Variants in DPYSL4 observed in about 807,000 individuals in gnomAD.
DPYSL4 encodes the protein dihydropyrimidinase-related protein 4.
In DPYSL4, 43 loss-of-function variants were observed where a neutral mutation model predicts 63.4. The ratio of observed to expected loss-of-function variants is 0.68; its 90% CI spans 0.53 to 0.88. The LOEUF (loss-of-function observed/expected upper bound fraction) is 0.88. DPYSL4 is among the 40% of genes least tolerant of loss of function. The pLI is 0.00. For missense variants in DPYSL4, 733 were observed against 819.5 expected (o/e 0.89, Z 1.29); for synonymous variants, 353 against 331.7 (o/e 1.06, Z -0.70).
Position 132,200,883 on chromosome 10 carries a change from C to A in DPYSL4, c.1010C>A (p.Thr337Asn). The stretch of plus-strand genomic sequence containing the variant: ...ACAGGCAGCGCCCACTGCACCTTCA[C>A]CACTGCCCAGAAGGCTGTGGGCAAG... The part of the protein sequence containing the change: ...QVTGSAHCTF[T>N]TAQKAVGKDN... Residue 337 changes from threonine (T) to asparagine (N), a missense_variant, in exon 10 of 14, where the codon ACC becomes AAC. Coordinates refer to ENST00000338492, the MANE Select transcript of DPYSL4 (RefSeq NM_006426.3). 6.2e-7 allele frequency: 1 copy of A among 1,613,162 alleles called. No individual in the cohort carries two copies. Among genetic ancestry groups the A allele is most frequent in the Non-Finnish European group, 8.5e-7 (1 of 1,179,964 alleles).
At chr10:132,203,520 G>A (rs2062049771) in intron 12 of DPYSL4, 3 of 545,620 alleles carry the variant, frequency 5.5e-6, no homozygotes, top group Admixed American at 3.1e-5. Flanking sequence ...CACACATGCA[G>A]ATGGGACCGC....
chr10:132,194,677 C>T (rs1459800109), intron 3 of DPYSL4, among the ~76,000 whole-genome samples, 168 bp from the exon 4 acceptor site: 3 of 152,280 alleles, frequency 2.0e-5, no homozygotes, highest in South Asian at 2.1e-4. Flanking sequence ...AGCAATAGAA[C>T]GGGTTCGTGG....
At chr10:132,191,267 G>A (rs1218262261) in intron 2 of DPYSL4, among the ~76,000 whole-genome samples, 4 of 118,388 alleles carry the variant, frequency 3.4e-5, no homozygotes, top group South Asian at 3.1e-4. Flanking sequence ...GTGTGTACAC[G>A]CTGGCCACGT....
chr10:132,190,543 G>A (rs748781826), intron 1 of DPYSL4, among the ~76,000 whole-genome samples: 3 of 152,270 alleles, frequency 2.0e-5, no homozygotes, highest in Non-Finnish European at 2.9e-5. Context: ...TGGGGCGTGC[G>A]TGGCACTTCC....
In DPYSL4 at chr10:132,190,876, G is replaced by A. The variant is rs200612332; in HGVS notation, c.128+41G>A. On this transcript the variant is annotated intron_variant, in intron 2 of 13. Coordinates refer to ENST00000338492, the MANE Select transcript of DPYSL4 (RefSeq NM_006426.3). ...AAATGAAAATACGTTCCCAGCTCGTGTGTACACGCTGGTCACGTGGTATCC... is the reference window on the plus strand; with the variant it reads ...AAATGAAAATACGTTCCCAGCTCGTATGTACACGCTGGTCACGTGGTATCC... 3.8e-6 allele frequency: 6 copies of A among 1,589,682 alleles called. No homozygotes were observed. The African/African-American group carries it at 4.0e-5, about 11-fold the overall frequency.
Position 132,202,829 on chromosome 10 carries a change from G to C in DPYSL4, c.1461+4G>C. On this transcript the variant is annotated splice_donor_region_variant and intron_variant, in intron 12 of 13. Transcript: ENST00000338492. The stretch of plus-strand genomic sequence containing the variant: ...GAGGATCAAAGCTCGCAACAGGGTA[G>C]GGCGGCACCCGCAAGGGTGTTGTGC... The C allele has an allele frequency of 1.3e-6, 2 of 1,585,226 alleles. No homozygotes were observed. The highest frequency in any genetic ancestry group is 1.7e-6 in the Non-Finnish European group (2 of 1,164,466).
At chr10:132,197,991 G>A (rs542797596) in intron 6 of DPYSL4, among the ~76,000 whole-genome samples, 3 of 152,224 alleles carry the variant, frequency 2.0e-5, no homozygotes, top group African/African-American at 2.4e-5. Flanking sequence ...TGACACGAGC[G>A]GATGCCGTAG....
intron 2 of DPYSL4, among the ~76,000 whole-genome samples, chr10:132,191,486 G>A (rs59527856): frequency 3.1e-5 from 3 of 95,946 alleles, no homozygotes; most frequent in African/African-American, 3.7e-5. Flanking sequence ...GTGTGTACAC[G>A]CTGGTCATGT....
At chr10:132,194,346 G>T (rs2061914054) in intron 3 of DPYSL4, among the ~76,000 whole-genome samples, 1 of 152,264 alleles carries the variant, frequency 6.6e-6, no homozygotes, top group South Asian at 2.1e-4. Context: ...GCAGCATGAT[G>T]GCTGTGTGCA....
Position 132,200,517 on chromosome 10 carries a change from G to A in DPYSL4, c.968+5G>A, listed in dbSNP as rs902142662. The A allele has an allele frequency of 5.0e-6, 8 of 1,612,470 alleles. No individual in the cohort carries two copies. Among genetic ancestry groups the A allele is most frequent in the African/African-American group, 1.3e-5 (1 of 75,024 alleles). On this transcript the variant is annotated splice_donor_5th_base_variant and intron_variant, in intron 9 of 13. Coordinates refer to ENST00000338492, the MANE Select transcript of DPYSL4 (RefSeq NM_006426.3). ...CCTCACCTGCTTGCTGTCCAGGTAAGCAGCCTCTCCAGGTGGCCCCAGGTT... is the reference window on the plus strand; with the variant it reads ...CCTCACCTGCTTGCTGTCCAGGTAAACAGCCTCTCCAGGTGGCCCCAGGTT...
chr10:132,196,513 ACCCAGGCCGAGAG>A (rs1187449578), intron 4 of DPYSL4, among the ~76,000 whole-genome samples: 3 of 151,974 alleles, frequency 2.0e-5, no homozygotes, highest in South Asian at 4.2e-4. Context: ...AGCCAGTGGA[ACCCAGGCCGAGAG>A]CCCAGGCACA....
At position 132,198,873 on chromosome 10, in the gene DPYSL4, G is replaced by C; in HGVS notation, c.713G>C (p.Arg238Pro). ...CAGGTGGAGGCTGAGGCGGTGTACC[G>C]AGCTGTCACCATCGCCAAGCAGGCA... ...PEEVEAEAVY[R>P]AVTIAKQANC... The change falls in exon 8 of 14, where the codon CGA becomes CCA. Residue 238 changes from arginine (R) to proline (P), a missense_variant. Physicochemically the swap from Arg to Pro is moderately radical, Grantham distance 103. Transcript: ENST00000338492. 3 of 1,612,958 alleles carry C rather than the reference G, an allele frequency of 1.9e-6. No homozygotes were observed. The highest frequency in any genetic ancestry group is 1.3e-5 in the African/African-American group (1 of 75,058).
chr10:132,193,008 T>C (rs1211781490), intron 3 of DPYSL4, among the ~76,000 whole-genome samples, 166 bp downstream of exon 3: 1 of 152,202 alleles, frequency 6.6e-6, no homozygotes, highest in Non-Finnish European at 1.5e-5. Flanking sequence ...AATCCCTGTG[T>C]CTCACTCTGG....
At chr10:132,202,304 C>T (rs1038246029) in intron 11 of DPYSL4, among the ~76,000 whole-genome samples, 188 bp downstream of exon 11, 4 of 152,270 alleles carry the variant, frequency 2.6e-5, no homozygotes, top group Non-Finnish European at 4.4e-5. Context: ...CACCTCGCTG[C>T]GTGGCCGCTG....
rs1446629477 is a variant in DPYSL4, at chr10:132,187,018, C to T, written c.-46C>T. ...GTCCCCCCGCCCGCCCGCCCGCCCG[C>T]CCGCCCCCGCTTGTGCCGCCCCTAC... On this transcript the variant is annotated 5_prime_UTR_variant, in exon 1 of 14. Transcript: ENST00000338492. 2.5e-5 allele frequency: 7 copies of T among 283,248 alleles called. No homozygotes were observed. The highest frequency in any genetic ancestry group is 5.7e-5 in the African/African-American group (2 of 35,266). 17.5% of individuals were successfully genotyped at this position (283,248 alleles called of 1,614,324 possible). A position where few individuals can be genotyped will look rare whatever the true frequency, so the allele number is the denominator to read the frequency against.
chr10:132,198,864 C>T lies in DPYSL4; in HGVS notation c.704C>T (p.Ala235Val), dbSNP rs1452199244. The T allele has an allele frequency of 3.7e-6, 6 of 1,612,880 alleles. No individual in the cohort carries two copies. Among genetic ancestry groups the T allele is most frequent in the East Asian group, 4.5e-5 (2 of 44,884 alleles). ...TCTCGTCCCCAGGTGGAGGCTGAGG[C>T]GGTGTACCGAGCTGTCACCATCGCC... Reference protein sequence around the residue: ...LSHPEEVEAEAVYRAVTIAKQ... With the variant: ...LSHPEEVEAEVVYRAVTIAKQ... The change falls in exon 8 of 14, where the codon GCG (alanine) becomes GTG (valine). Residue 235 changes from alanine to valine, a missense_variant. Physicochemically the swap from Ala to Val is moderately conservative, Grantham distance 64. Transcript: ENST00000338492.
Position 132,192,852 on chromosome 10 carries a change from TG to T in DPYSL4, c.313+13del. 1 of 1,600,180 alleles carries T rather than the reference TG, an allele frequency of 6.2e-7. No individual in the cohort carries two copies. Among genetic ancestry groups the T allele is most frequent in the South Asian group, 1.1e-5 (1 of 89,298 alleles). Reference sequence around the variant, plus strand: ...GGAACCACCATGATCTGTGAGTGTCTGGGTCTCCTCCTCTACAGGGGGCAGC... The same window carrying T: ...GGAACCACCATGATCTGTGAGTGTCTGGTCTCCTCCTCTACAGGGGGCAGC... On this transcript the variant is annotated intron_variant, in intron 3 of 13. Coordinates refer to ENST00000338492, the MANE Select transcript of DPYSL4 (RefSeq NM_006426.3).
chr10:132,197,395 C>A (rs1449272692), intron 6 of DPYSL4, among the ~76,000 whole-genome samples: 1 of 152,232 alleles, frequency 6.6e-6, no homozygotes, highest in African/African-American at 2.4e-5. Flanking sequence ...GGGATCGAGG[C>A]CCCTCCTGTG....
At chr10:132,195,187 G>T (rs1005536233) in intron 4 of DPYSL4, among the ~76,000 whole-genome samples, 178 bp downstream of exon 4, 1 of 152,180 alleles carries the variant, frequency 6.6e-6, no homozygotes, top group Non-Finnish European at 1.5e-5. Context: ...TCTAGACCAA[G>T]AGGCCTTCTC....
Sources: gnomAD v4.1 joint callset for allele counts (sites outside exome capture counted in the v4.1 genomes callset) on GRCh38, gnomAD v4.1.1 for gene constraint, MANE v1.5 for transcripts, NCBI Gene and HGNC (gene_info 2026-07-23, HGNC 2026-07-21) for gene names.